The following VWC2 variants were observed in gnomAD, a reference collection of about 807,000 sequenced individuals.
VWC2 encodes the protein von Willebrand factor C domain containing 2.
VWC2 carries 14 observed loss-of-function variants against 29.8 expected under a neutral mutation model. That is an observed-to-expected ratio of 0.47 (90% CI 0.31 to 0.74). The LOEUF (loss-of-function observed/expected upper bound fraction) is 0.74. Ranked by LOEUF, VWC2 falls within the 30% of genes least tolerant of loss-of-function variation. VWC2 has a pLI of 0.05. For synonymous variants in VWC2, 213 were observed against 199.0 expected (o/e 1.07, Z -0.59); for missense variants, 457 against 459.8 (o/e 0.99, Z 0.05).
chr7:49,776,149 G>T lies in VWC2; in HGVS notation c.696+18G>T, dbSNP rs1000043554. The stretch of plus-strand genomic sequence containing the variant: ...AGTTCGTGGTAAGATGCGAACGCCC[G>T]CCGGGCGACTTTGCACCTTCCAGGA... On this transcript the variant is annotated intron_variant, in intron 2 of 3. Coordinates refer to ENST00000340652, the MANE Select transcript of VWC2 (RefSeq NM_198570.5). 1.3e-6 allele frequency: 2 copies of T among 1,491,980 alleles called. 1 individual carries two copies. The highest frequency in any genetic ancestry group is 2.6e-5 in the South Asian group (2 of 76,914). 92.4% of individuals were successfully genotyped at this position (1,491,980 alleles called of 1,614,324 possible).
At chr7:49,812,205 G>A (rs777916904) in intron 3 of VWC2, among the ~76,000 whole-genome samples, 1 of 152,128 alleles carries the variant, frequency 6.6e-6, no homozygotes, top group Non-Finnish European at 1.5e-5. Context: ...TGAGGTGATG[G>A]TATGTTTATT....
chr7:49,870,574 A>C lies in VWC2; in HGVS notation c.827-41460A>C, dbSNP rs1791106730. Among the ~76,000 whole-genome samples, 7 of 152,298 alleles carry C rather than the reference A, an allele frequency of 4.6e-5. No individual in the cohort carries two copies. In the South Asian group the frequency reaches 1.5e-3, roughly 32 times the overall value. On this transcript the variant is annotated intron_variant, in intron 3 of 3. Transcript: ENST00000340652. ...GTGACTGGCACTTACACAGCTGAAT[A>C]CAGGGCATGTCTTACGAGTAGGATT... is the stretch of plus-strand genomic sequence containing the variant.
downstream of VWC2, among the ~76,000 whole-genome samples, chr7:49,922,126 CTT>C (rs149664714): frequency 3.5e-3 from 536 of 152,118 alleles, 5 homozygotes; most frequent in Non-Finnish European, 2.9e-3. Flanking sequence ...AAATATGTAA[CTT>C]TTATTTCTCT....
chr7:49,786,647 ATTTTG>A lies in VWC2; in HGVS notation c.696+10518_696+10522del, dbSNP rs1788305077. On this transcript the variant is annotated intron_variant, in intron 2 of 3. Transcript: ENST00000340652. ...CTCTGCAGCCTCACAAGCATCTGTT[ATTTTG>A]TGACCTTTTAATAATAGCCATTCTG... Among the ~76,000 whole-genome samples the A allele has an allele frequency of 2.6e-5, 4 of 152,226 alleles. No homozygotes were observed. The South Asian group carries it at 8.3e-4, about 32-fold the overall frequency.
At chr7:49,852,343 T>C (rs1487543048) in intron 3 of VWC2, among the ~76,000 whole-genome samples, 1 of 152,182 alleles carries the variant, frequency 6.6e-6, no homozygotes, top group East Asian at 1.9e-4. Context: ...AGGCTCTGGT[T>C]CAAAGAAGAG....
intron 3 of VWC2, among the ~76,000 whole-genome samples, chr7:49,813,569 G>T (rs1265778671): frequency 6.6e-6 from 1 of 152,196 alleles, no homozygotes; most frequent in Non-Finnish European, 1.5e-5. Context: ...AGAGAACACA[G>T]TGCTTATAAG....
At chr7:49,899,895 C>A (rs1473229248) in intron 3 of VWC2, among the ~76,000 whole-genome samples, 1 of 151,740 alleles carries the variant, frequency 6.6e-6, no homozygotes, top group Non-Finnish European at 1.5e-5. Context: ...GATATGGAAC[C>A]CTTACTAAGA....
Position 49,901,845 on chromosome 7 carries a change from C to T in VWC2, c.827-10189C>T, listed in dbSNP as rs912472624. On this transcript the variant is annotated intron_variant, in intron 3 of 3. Coordinates refer to ENST00000340652, the MANE Select transcript of VWC2 (RefSeq NM_198570.5). ...TTGATCAATGGAACAGAATAGAGAGCCCAGAAATAGACTCAGATAAATATG... is the reference window on the plus strand; with the variant it reads ...TTGATCAATGGAACAGAATAGAGAGTCCAGAAATAGACTCAGATAAATATG... Among the ~76,000 whole-genome samples, 31 of 140,620 alleles carry T rather than the reference C, an allele frequency of 2.2e-4. 1 individual carries two copies. The highest frequency in any genetic ancestry group is 8.6e-4 in the African/African-American group (31 of 36,144). 92.3% of individuals were successfully genotyped at this position (140,620 alleles called of 152,430 possible).
At chr7:49,839,081 T>C (rs1408867155) in intron 3 of VWC2, among the ~76,000 whole-genome samples, 2 of 152,146 alleles carry the variant, frequency 1.3e-5, no homozygotes, top group African/African-American at 4.8e-5. Flanking sequence ...CCTCCCTGTC[T>C]TTTTTGTGAT....
intron 2 of VWC2, among the ~76,000 whole-genome samples, chr7:49,797,686 C>G (rs551569243): frequency 6.6e-6 from 1 of 152,280 alleles, no homozygotes; most frequent in South Asian, 2.1e-4. Flanking sequence ...ATTCATCTCT[C>G]TAGCCTCAGG....
chr7:49,875,771 A>G (rs1428745965), intron 3 of VWC2, among the ~76,000 whole-genome samples: 1 of 152,152 alleles, frequency 6.6e-6, no homozygotes, highest in African/African-American at 2.4e-5. Flanking sequence ...AAACAATGCC[A>G]TAGTAGTGCA....
At chr7:49,855,602 G>GT (rs1364415186) in intron 3 of VWC2, among the ~76,000 whole-genome samples, 1 of 152,224 alleles carries the variant, frequency 6.6e-6, no homozygotes. Context: ...GTCCCTTTAA[G>GT]TCAGGACAGG....
chr7:49,866,655 C>G (rs562077820), intron 3 of VWC2, among the ~76,000 whole-genome samples: 1 of 152,322 alleles, frequency 6.6e-6, no homozygotes, highest in South Asian at 2.1e-4. Flanking sequence ...GTTTTGACAT[C>G]TATCACAGGT....
chr7:49,869,568 G>T (rs1437688993), intron 3 of VWC2, among the ~76,000 whole-genome samples: 3 of 152,152 alleles, frequency 2.0e-5, no homozygotes, highest in African/African-American at 7.2e-5. Flanking sequence ...CTTTTGCAAA[G>T]ATTGAAATCC....
chr7:49,868,180 T>A (rs1011890258), intron 3 of VWC2, among the ~76,000 whole-genome samples: 3 of 152,220 alleles, frequency 2.0e-5, no homozygotes, highest in Admixed American at 2.0e-4. Flanking sequence ...GAATGATTCA[T>A]TCACCCTACA....
chr7:49,880,008 A>G (rs1364632262), intron 3 of VWC2, among the ~76,000 whole-genome samples: 1 of 152,204 alleles, frequency 6.6e-6, no homozygotes, highest in Non-Finnish European at 1.5e-5. Flanking sequence ...TCAAGAAAAT[A>G]GTAATGACCA....
intron 2 of VWC2, among the ~76,000 whole-genome samples, chr7:49,779,629 G>C (rs1788131423): frequency 6.7e-6 from 1 of 149,980 alleles, no homozygotes; most frequent in African/African-American, 2.5e-5. Flanking sequence ...ACTGTTTTCT[G>C]CTTCCTACAG....
At chr7:49,786,113 A>G (rs1247260103) in intron 2 of VWC2, among the ~76,000 whole-genome samples, 1 of 152,186 alleles carries the variant, frequency 6.6e-6, no homozygotes, top group Non-Finnish European at 1.5e-5. Flanking sequence ...TGCAACAGTT[A>G]GTTTTTCAAC....
chr7:49,910,235 C>T (rs1389203556), intron 3 of VWC2, among the ~76,000 whole-genome samples: 2 of 152,150 alleles, frequency 1.3e-5, no homozygotes, highest in African/African-American at 2.4e-5. Flanking sequence ...TGGGCGAACT[C>T]GAAAACCACC....
Sources: gnomAD v4.1 joint callset for allele counts (sites outside exome capture counted in the v4.1 genomes callset) on GRCh38, gnomAD v4.1.1 for gene constraint, MANE v1.5 for transcripts, NCBI Gene and HGNC (gene_info 2026-07-23, HGNC 2026-07-21) for gene names.